The following SCPEP1 variants were observed in gnomAD, a reference collection of about 807,000 sequenced individuals.
The protein encoded by SCPEP1 is retinoid-inducible serine carboxypeptidase.
Under a neutral mutation model 63.8 loss-of-function variants are expected in SCPEP1, and 51 were observed. The ratio of observed to expected loss-of-function variants is 0.80; its 90% CI spans 0.64 to 1.01. The LOEUF is 1.01. Among genes scored for constraint, SCPEP1 ranks in the 50% least tolerant of loss-of-function variants. The probability of loss-of-function intolerance (pLI) is 0.00; values close to 1 mark genes in which losing one functional copy is unlikely to be tolerated. For missense variants in SCPEP1, 499 were observed against 554.9 expected (o/e 0.90, Z 1.01); for synonymous variants, 204 against 207.8 (o/e 0.98, Z 0.16).
intron 1 of SCPEP1, among the ~76,000 whole-genome samples, chr17:56,978,785 G>T (rs1910988769): frequency 1.3e-5 from 2 of 152,202 alleles, no homozygotes; most frequent in African/African-American, 4.8e-5. Context: ...CTCCTAGTCT[G>T]AAGCAAGCAC....
chr17:57,004,633 C>A (rs981280380), intron 12 of SCPEP1, among the ~76,000 whole-genome samples: 2 of 152,158 alleles, frequency 1.3e-5, no homozygotes, highest in South Asian at 4.2e-4. Context: ...GGATGGGACC[C>A]AAGTCTAGGC....
intron 12 of SCPEP1, among the ~76,000 whole-genome samples, chr17:57,003,005 T>C (rs1342700847): frequency 2.0e-5 from 3 of 152,180 alleles, no homozygotes; most frequent in Admixed American, 6.5e-5. Flanking sequence ...CCAGTCCCTG[T>C]CCTCAAGGAG....
chr17:56,989,835 T>G (rs1911340816), intron 5 of SCPEP1, among the ~76,000 whole-genome samples: 1 of 151,998 alleles, frequency 6.6e-6, no homozygotes, highest in East Asian at 1.9e-4. Flanking sequence ...TAATCCCAGC[T>G]ACTAGGGAGG....
intron 2 of SCPEP1, 24 bp downstream of exon 2, chr17:56,981,254 C>A (rs1256387050): frequency 1.2e-6 from 2 of 1,613,704 alleles, no homozygotes; most frequent in Non-Finnish European, 1.7e-6. Flanking sequence ...CCAGCCTGGC[C>A]TGAGGTCAAA....
intron 6 of SCPEP1, 22 bp downstream of exon 6, chr17:56,991,193 A>AT (rs766669726): frequency 3.2e-6 from 5 of 1,574,610 alleles, no homozygotes; most frequent in Non-Finnish European, 4.4e-6. Context: ...ATTTTCAGGC[A>AT]TTTTTTCACT....
At chr17:57,000,727 C>T (rs1271036255) in intron 10 of SCPEP1, 128 bp from the exon 11 acceptor site, 1 of 1,092,706 alleles carries the variant, frequency 9.2e-7, no homozygotes, top group Non-Finnish European at 1.4e-6. Flanking sequence ...CTGGTTCATC[C>T]CTGTTTGTGA....
chr17:56,981,347 G>A, intron 2 of SCPEP1, 117 bp downstream of exon 2: 1 of 1,108,388 alleles, frequency 9.0e-7, no homozygotes, highest in South Asian at 1.5e-5. Context: ...CCAGCAGTGT[G>A]ACCTGGGGGT....
intron 2 of SCPEP1, 63 bp downstream of exon 2, chr17:56,981,293 T>A: frequency 6.3e-7 from 1 of 1,588,782 alleles, no homozygotes; most frequent in South Asian, 1.1e-5. Flanking sequence ...GGCTCTTTGC[T>A]TGCTTTTTGG....
chr17:56,989,040 A>T (rs1226085465), intron 5 of SCPEP1, among the ~76,000 whole-genome samples: 1 of 151,956 alleles, frequency 6.6e-6, no homozygotes, highest in Non-Finnish European at 1.5e-5. Flanking sequence ...AAAAAAAATA[A>T]TAAGCTGGGC....
chr17:57,003,884 A>G (rs1911811176), intron 12 of SCPEP1, among the ~76,000 whole-genome samples: 1 of 152,118 alleles, frequency 6.6e-6, no homozygotes, highest in South Asian at 2.1e-4. Flanking sequence ...GAAGCCAGAG[A>G]AAGCAGCCCA....
chr17:56,991,390 AT>A (rs1173513992), intron 6 of SCPEP1, among the ~76,000 whole-genome samples: 1 of 152,208 alleles, frequency 6.6e-6, no homozygotes, highest in Non-Finnish European at 1.5e-5. Flanking sequence ...CAACAAAAGG[AT>A]CAAATTTTAC....
intron 3 of SCPEP1, among the ~76,000 whole-genome samples, chr17:56,986,593 C>T (rs1426729386): frequency 6.7e-6 from 1 of 149,322 alleles, no homozygotes; most frequent in African/African-American, 2.5e-5. Context: ...TCGCCCAGGC[C>T]AGAGTGCAGT....
At chr17:56,996,501 G>C (rs915160822) in intron 8 of SCPEP1, among the ~76,000 whole-genome samples, 1 of 147,132 alleles carries the variant, frequency 6.8e-6, no homozygotes, top group Non-Finnish European at 1.5e-5. Context: ...CACCGCGCCT[G>C]GCCTCTTTTT....
Position 56,987,867 on chromosome 17 carries a change from G to T in SCPEP1, c.471+17G>T, listed in dbSNP as rs938817119. ...GAATTCCAGGTAAGCAAAGACTCAG[G>T]AACAGCTAAGTAAAGGGCTGGCAAT... is the stretch of plus-strand genomic sequence containing the variant. On this transcript the variant is annotated intron_variant, in intron 4 of 12. Transcript: ENST00000262288. 1.9e-6 allele frequency: 3 copies of T among 1,613,266 alleles called. No individual in the cohort carries two copies. The highest frequency in any genetic ancestry group is 1.7e-5 in the Admixed American group (1 of 59,900).
At chr17:56,985,581 T>G in intron 3 of SCPEP1, 114 bp downstream of exon 3, 1 of 779,022 alleles carries the variant, frequency 1.3e-6, no homozygotes, top group Non-Finnish European at 2.2e-6. Context: ...TTCCTTTTCC[T>G]GTGACTACTG....
At chr17:56,980,064 C>T (rs1911024757) in intron 1 of SCPEP1, among the ~76,000 whole-genome samples, 3 of 151,954 alleles carry the variant, frequency 2.0e-5, no homozygotes, top group Admixed American at 2.0e-4. Context: ...TATTCTCAGC[C>T]CCACTAATTT....
intron 3 of SCPEP1, among the ~76,000 whole-genome samples, chr17:56,986,439 TA>T (rs367642939): frequency 1.8e-4 from 27 of 152,116 alleles, no homozygotes; most frequent in African/African-American, 5.5e-4. Context: ...AGGCTGGTCT[TA>T]AACTCTTGAC....
rs1232486911 is a variant in SCPEP1 at position 56,987,780 on chromosome 17, A to T, written c.401A>T (p.Asp134Val). The change falls in exon 4 of 13, where the codon GAC (aspartate) becomes GTC (valine). Residue 134 changes from aspartate to valine, a missense_variant. Coordinates refer to ENST00000262288, the MANE Select transcript of SCPEP1 (RefSeq NM_021626.3). ...AATGGTAGTGGTGCCTATGCCAAGG[A>T]CCTGGCTATGGTGGCTTCAGACATG... The part of the protein sequence containing the change: ...YVNGSGAYAK[D>V]LAMVASDMMV... The T allele has an allele frequency of 1.2e-6, 2 of 1,613,966 alleles. No individual in the cohort carries two copies. Among genetic ancestry groups the T allele is most frequent in the African/African-American group, 2.7e-5 (2 of 74,890 alleles).
chr17:57,002,323 T>A, intron 12 of SCPEP1, 142 bp downstream of exon 12: 1 of 747,570 alleles, frequency 1.3e-6, no homozygotes, highest in Non-Finnish European at 2.1e-6. Context: ...CTCATGCCTG[T>A]AATCTCAGCA....
Sources: allele counts gnomAD v4.1 joint callset (sites outside exome capture counted in the v4.1 genomes callset), GRCh38; gene constraint gnomAD v4.1.1; transcripts MANE v1.5; gene names NCBI Gene and HGNC (gene_info 2026-07-23, HGNC 2026-07-21).